Variants in MARK1 observed in about 807,000 individuals in gnomAD.
MARK1 encodes the protein serine/threonine-protein kinase MARK1.
MARK1 carries 40 observed loss-of-function variants against 96.3 expected under a neutral mutation model. The observed-to-expected ratio is 0.42, with a 90% CI of 0.32 to 0.54. The LOEUF is 0.54. Ranked by LOEUF, MARK1 falls within the 20% of genes least tolerant of loss-of-function variation. The pLI is 0.16. For missense variants in MARK1, 719 were observed against 984.6 expected, an observed-to-expected ratio of 0.73 and a Z score of 3.61; for synonymous variants, 317 against 341.2, an observed-to-expected ratio of 0.93 and a Z score of 0.78.
At chr1:220,601,269 A>C (rs1041953445) in intron 5 of MARK1, among the ~76,000 whole-genome samples, 1 of 150,760 alleles carries the variant, frequency 6.6e-6, no homozygotes, top group South Asian at 2.1e-4. Flanking sequence ...TTGCTTTTGC[A>C]GTTGTTTATA....
At position 220,528,226 on chromosome 1, in the gene MARK1, G is replaced by A. The variant is rs1045625668; in HGVS notation, c.-597G>A. 2.7e-4 allele frequency: 41 copies of A among 150,458 alleles called. No homozygotes were observed. Among genetic ancestry groups the A allele is most frequent in the African/African-American group, 9.9e-4 (41 of 41,270 alleles). The allele number at this position is 150,458 out of a possible 1,614,324, so 9.3% of individuals were successfully genotyped here. The stretch of plus-strand genomic sequence containing the variant: ...GGCTCGGGCCGCTCCTCCTGACTGA[G>A]GCGCGGCGGCGGCGGTGGCTGTGAC... On this transcript the variant is annotated 5_prime_UTR_variant, in exon 1 of 18. Transcript: ENST00000366917.
At chr1:220,578,583 G>A (rs1558271867) in intron 1 of MARK1, among the ~76,000 whole-genome samples, 1 of 152,182 alleles carries the variant, frequency 6.6e-6, no homozygotes, top group Admixed American at 6.5e-5. Flanking sequence ...TGATTGGTCA[G>A]TTCTTTGAGT....
intron 13 of MARK1, among the ~76,000 whole-genome samples, chr1:220,641,992 G>C (rs1572220925): frequency 6.6e-6 from 1 of 152,252 alleles, no homozygotes; most frequent in East Asian, 1.9e-4. Context: ...ACCCATGGCA[G>C]CTGCCCCTGT....
chr1:220,598,693 TA>T (rs1038058298), intron 4 of MARK1, among the ~76,000 whole-genome samples: 2 of 150,944 alleles, frequency 1.3e-5, no homozygotes, highest in African/African-American at 2.4e-5. Flanking sequence ...TTTCTAAATT[TA>T]AAAAAAAATG....
intron 6 of MARK1, among the ~76,000 whole-genome samples, chr1:220,606,509 G>T (rs978275539): frequency 6.6e-6 from 1 of 152,148 alleles, no homozygotes; most frequent in Non-Finnish European, 1.5e-5. Context: ...CTTTTGCCGT[G>T]CAGAAGCTTT....
Position 220,662,342 on chromosome 1 carries a change from T to C in MARK1, c.*176T>C. 1 of 569,530 alleles carries C rather than the reference T, an allele frequency of 1.8e-6. No homozygotes were observed. 35.3% of individuals were successfully genotyped at this position (569,530 alleles called of 1,614,324 possible). On this transcript the variant is annotated 3_prime_UTR_variant, in exon 18 of 18. Transcript: ENST00000366917. ...GTAAAATTAAAGTCAGTATGAACTA[T>C]AATAAATATCTGTAGCTTAAAAAGT... is the stretch of plus-strand genomic sequence containing the variant.
At chr1:220,602,091 T>C (rs947389250) in intron 5 of MARK1, among the ~76,000 whole-genome samples, 3 of 152,192 alleles carry the variant, frequency 2.0e-5, no homozygotes, top group Non-Finnish European at 4.4e-5. Flanking sequence ...AAATTTCTAC[T>C]TAGTTTAGGA....
chr1:220,556,570 G>A (rs1662279699), intron 1 of MARK1, among the ~76,000 whole-genome samples: 1 of 148,586 alleles, frequency 6.7e-6, no homozygotes, highest in South Asian at 2.1e-4. Context: ...ACAAAAAGTA[G>A]TAATACCACC....
chr1:220,577,113 CA>C (rs200510344), intron 1 of MARK1, among the ~76,000 whole-genome samples: 1 of 151,708 alleles, frequency 6.6e-6, no homozygotes, highest in African/African-American at 2.4e-5. Context: ...CAAAACAAAA[CA>C]AAAAAACAGT....
chr1:220,646,991 T>C (rs1045937406), intron 13 of MARK1, among the ~76,000 whole-genome samples: 3 of 152,160 alleles, frequency 2.0e-5, no homozygotes, highest in African/African-American at 7.2e-5. Context: ...GACACAGGCA[T>C]GGGCAAAGAT....
chr1:220,542,334 A>G (rs188031830), intron 1 of MARK1, among the ~76,000 whole-genome samples: 34 of 152,174 alleles, frequency 2.2e-4, no homozygotes, highest in Non-Finnish European at 2.6e-4. Flanking sequence ...AGGAGGTTAG[A>G]TTTATTGTTG....
At chr1:220,571,137 A>G (rs138886772) in intron 1 of MARK1, among the ~76,000 whole-genome samples, 32 of 152,320 alleles carry the variant, frequency 2.1e-4, no homozygotes, top group African/African-American at 7.5e-4. Flanking sequence ...GATTTTAAAG[A>G]ACCAGATAAA....
At chr1:220,645,780 A>G (rs1045041365) in intron 13 of MARK1, among the ~76,000 whole-genome samples, 1 of 152,254 alleles carries the variant, frequency 6.6e-6, no homozygotes, top group African/African-American at 2.4e-5. Flanking sequence ...AATCAGTCAC[A>G]TAAACAGGAC....
At chr1:220,559,179 C>G (rs557065908) in intron 1 of MARK1, among the ~76,000 whole-genome samples, 1 of 152,118 alleles carries the variant, frequency 6.6e-6, no homozygotes, top group Non-Finnish European at 1.5e-5. Flanking sequence ...GGACAGAGCT[C>G]TTGTGCATGT....
At position 220,534,016 on chromosome 1, in the gene MARK1, T is replaced by C. The variant is rs184339000; in HGVS notation, c.51+5143T>C. Among the ~76,000 whole-genome samples the C allele has an allele frequency of 4.5e-4, 69 of 152,262 alleles. 1 individual carries two copies. Among genetic ancestry groups the C allele is most frequent in the East Asian group, 3.1e-3 (16 of 5,190 alleles). On this transcript the variant is annotated intron_variant, in intron 1 of 17. Transcript: ENST00000366917. Reference sequence around the variant, plus strand: ...TGTTAACCTATCTGTTGAATTTTTTTTCATTGTGGTAAAAAGCACACATCA... The same window carrying C: ...TGTTAACCTATCTGTTGAATTTTTTCTCATTGTGGTAAAAAGCACACATCA...
intron 1 of MARK1, among the ~76,000 whole-genome samples, chr1:220,538,045 G>A (rs544260407): frequency 6.6e-6 from 1 of 152,174 alleles, no homozygotes; most frequent in African/African-American, 2.4e-5. Flanking sequence ...TACTCTGATG[G>A]TAGTTTCTTT....
intron 3 of MARK1, among the ~76,000 whole-genome samples, chr1:220,590,009 G>A (rs1396886610): frequency 2.0e-5 from 3 of 152,134 alleles, no homozygotes; most frequent in African/African-American, 4.8e-5. Context: ...GTGAAGATTG[G>A]CACCTTGCTG....
intron 1 of MARK1, among the ~76,000 whole-genome samples, chr1:220,561,275 C>G (rs1051935424): frequency 1.3e-5 from 2 of 152,182 alleles, no homozygotes; most frequent in Non-Finnish European, 2.9e-5. Flanking sequence ...GCTTGTCCAA[C>G]CTGCAGCCCC....
intron 1 of MARK1, among the ~76,000 whole-genome samples, chr1:220,556,499 A>C (rs1438368346): frequency 2.7e-5 from 4 of 148,116 alleles, no homozygotes; most frequent in Admixed American, 6.8e-5. Context: ...AAAAAAAAAA[A>C]AAAAAAACAA....
Sources: gnomAD v4.1 joint callset for allele counts (sites outside exome capture counted in the v4.1 genomes callset) on GRCh38, gnomAD v4.1.1 for gene constraint, MANE v1.5 for transcripts, NCBI Gene and HGNC (gene_info 2026-07-23, HGNC 2026-07-21) for gene names.